LDB2: variants seen among roughly 807,000 people sequenced by gnomAD.
The protein encoded by LDB2 is LIM domain binding 2.
In LDB2, 12 loss-of-function variants were observed where a neutral mutation model predicts 44.3. That is an observed-to-expected ratio of 0.27 (90% CI 0.17 to 0.44). LDB2 has a LOEUF of 0.44. Among genes scored for constraint, LDB2 ranks in the 20% least tolerant of loss-of-function variants. LDB2 has a pLI of 1.00. For missense variants in LDB2, 344 were observed against 473.5 expected, an observed-to-expected ratio of 0.73 and a Z score of 2.54; for synonymous variants, 164 against 174.8, an observed-to-expected ratio of 0.94 and a Z score of 0.49.
intron 1 of LDB2, among the ~76,000 whole-genome samples, chr4:16,851,237 T>C (rs896897655): frequency 3.3e-5 from 5 of 151,586 alleles, no homozygotes; most frequent in Admixed American, 2.6e-4. Context: ...TTGTGAAAAA[T>C]TAACATATGC....
intron 2 of LDB2, among the ~76,000 whole-genome samples, chr4:16,653,399 C>T (rs573205953): frequency 2.0e-5 from 3 of 152,242 alleles, no homozygotes; most frequent in South Asian, 2.1e-4. Flanking sequence ...TTAAAAACAA[C>T]GATGACAACA....
chr4:16,885,938 C>G (rs1721548513), intron 1 of LDB2, among the ~76,000 whole-genome samples: 1 of 152,136 alleles, frequency 6.6e-6, no homozygotes, highest in East Asian at 1.9e-4. Flanking sequence ...GTTAAGAATA[C>G]TTAACTCTGG....
chr4:16,524,395 A>G (rs1432861297), intron 5 of LDB2, among the ~76,000 whole-genome samples: 2 of 152,206 alleles, frequency 1.3e-5, no homozygotes, highest in Non-Finnish European at 2.9e-5. Context: ...GAGACATACA[A>G]AGATGAATTA....
intron 2 of LDB2, among the ~76,000 whole-genome samples, chr4:16,677,510 C>T (rs1746636718): frequency 6.6e-6 from 1 of 152,216 alleles, no homozygotes; most frequent in South Asian, 2.1e-4. Flanking sequence ...TTACAATCCA[C>T]ATCCCCCACA....
chr4:16,867,111 G>C (rs1417061327), intron 1 of LDB2, among the ~76,000 whole-genome samples: 1 of 152,120 alleles, frequency 6.6e-6, no homozygotes, highest in Non-Finnish European at 1.5e-5. Flanking sequence ...CCATGCTGTG[G>C]GGAAGTCCAA....
chr4:16,621,183 T>C (rs1265204310), intron 2 of LDB2, among the ~76,000 whole-genome samples: 1 of 152,228 alleles, frequency 6.6e-6, no homozygotes, highest in East Asian at 1.9e-4. Flanking sequence ...AGCATATCTC[T>C]GAGGTCATGG....
At chr4:16,539,215 G>C (rs994378385) in intron 5 of LDB2, among the ~76,000 whole-genome samples, 1 of 152,116 alleles carries the variant, frequency 6.6e-6, no homozygotes, top group African/African-American at 2.4e-5. Flanking sequence ...GTACTTTCTG[G>C]GATTAAGCTT....
chr4:16,759,798 G>A (rs1767499711), intron 1 of LDB2, among the ~76,000 whole-genome samples: 1 of 152,182 alleles, frequency 6.6e-6, no homozygotes, highest in Non-Finnish European at 1.5e-5. Context: ...TCACACACAA[G>A]CGATTGTCAC....
At chr4:16,751,408 A>G (rs2109109763) in intron 2 of LDB2, among the ~76,000 whole-genome samples, 1 of 152,320 alleles carries the variant, frequency 6.6e-6, no homozygotes, top group African/African-American at 2.4e-5. Context: ...TGTGGTATTT[A>G]CCAGACATTA....
chr4:16,624,326 G>A (rs1729705817), intron 2 of LDB2, among the ~76,000 whole-genome samples: 1 of 151,968 alleles, frequency 6.6e-6, no homozygotes, highest in African/African-American at 2.4e-5. Context: ...CGAACTCCTG[G>A]GCTCAAGCAA....
intron 1 of LDB2, among the ~76,000 whole-genome samples, chr4:16,834,611 G>A (rs778671327): frequency 1.3e-5 from 2 of 152,090 alleles, no homozygotes; most frequent in African/African-American, 2.4e-5. Flanking sequence ...GGCGGATCAC[G>A]AGTTCAGGAG....
chr4:16,648,838 C>A (rs1737491997), intron 2 of LDB2, among the ~76,000 whole-genome samples: 1 of 151,926 alleles, frequency 6.6e-6, no homozygotes, highest in Non-Finnish European at 1.5e-5. Context: ...ATATTTATAG[C>A]TAAATTCCAA....
intron 2 of LDB2, among the ~76,000 whole-genome samples, chr4:16,629,480 C>T (rs1205702160): frequency 6.6e-6 from 1 of 152,080 alleles, no homozygotes; most frequent in East Asian, 1.9e-4. Context: ...TGGTGATACC[C>T]ACGCAAACAG....
At chr4:16,745,366 G>T (rs1325825139) in intron 2 of LDB2, among the ~76,000 whole-genome samples, 1 of 152,212 alleles carries the variant, frequency 6.6e-6, no homozygotes, top group Admixed American at 6.5e-5. Flanking sequence ...CGTTTACTTA[G>T]AACAGTGAAA....
At chr4:16,673,406 G>A (rs985942568) in intron 2 of LDB2, among the ~76,000 whole-genome samples, 4 of 152,186 alleles carry the variant, frequency 2.6e-5, no homozygotes, top group African/African-American at 9.7e-5. Context: ...TACTCCTGCT[G>A]CTTCCGTGTT....
At chr4:16,897,930 A>ACACATATG (rs1725692118) in intron 1 of LDB2, among the ~76,000 whole-genome samples, 2 of 17,676 alleles carry the variant, frequency 1.1e-4, no homozygotes, top group African/African-American at 7.5e-4. Flanking sequence ...ATATATATAT[A>ACACATATG]TATATATACA....
At chr4:16,782,491 C>T (rs1465072398) in intron 1 of LDB2, among the ~76,000 whole-genome samples, 1 of 151,978 alleles carries the variant, frequency 6.6e-6, no homozygotes. Flanking sequence ...GCTGGTATTA[C>T]AGGTGTGTGC....
At chr4:16,633,363 C>A (rs575120375) in intron 2 of LDB2, among the ~76,000 whole-genome samples, 1 of 152,148 alleles carries the variant, frequency 6.6e-6, no homozygotes, top group South Asian at 2.1e-4. Context: ...GTGCAGCACA[C>A]CAACATGGCA....
chr4:16,897,969 T>TAC (rs1725803403), intron 1 of LDB2, among the ~76,000 whole-genome samples: 1 of 88,438 alleles, frequency 1.1e-5, no homozygotes, highest in Non-Finnish European at 2.3e-5. Flanking sequence ...TATATATATA[T>TAC]ATATACACAT....
Sources: allele counts gnomAD v4.1 joint callset (sites outside exome capture counted in the v4.1 genomes callset), GRCh38; gene constraint gnomAD v4.1.1; transcripts MANE v1.5; gene names NCBI Gene and HGNC (gene_info 2026-07-23, HGNC 2026-07-21).